WDR33: variants seen among roughly 807,000 people sequenced by gnomAD.
The protein encoded by WDR33 is pre-mRNA 3' end processing protein WDR33.
A neutral mutation model predicts 164.9 loss-of-function variants in WDR33; 47 were observed. That is an observed-to-expected ratio of 0.29 (90% CI 0.23 to 0.36). WDR33 has a LOEUF of 0.36. Among genes scored for constraint, WDR33 ranks in the 10% least tolerant of loss-of-function variants. The probability of loss-of-function intolerance (pLI) is 1.00; values close to 1 mark genes in which losing one functional copy is unlikely to be tolerated. For missense variants in WDR33, 1,137 were observed against 1,754.1 expected (o/e 0.65, Z 6.28); for synonymous variants, 505 against 589.0 (o/e 0.86, Z 2.06).
intron 7 of WDR33, chr2:127,737,339 G>C: frequency 1.0e-6 from 1 of 985,440 alleles, no homozygotes; most frequent in Non-Finnish European, 1.2e-6. Context: ...GTAAGAAAGA[G>C]TACTCTGAGG....
Position 127,769,005 on chromosome 2 carries a change from T to TTAAA in WDR33, c.205-8_205-5dup, listed in dbSNP as rs143186338. 341,635 of 903,034 alleles carry TTAAA rather than the reference T, an allele frequency of 0.38. 71,538 individuals are homozygous for TTAAA. Among genetic ancestry groups the TTAAA allele is most frequent in the East Asian group, 0.68 (17,871 of 26,274 alleles). 55.9% of individuals were successfully genotyped at this position (903,034 alleles called of 1,614,324 possible). On this transcript the variant is annotated splice_region_variant and splice_polypyrimidine_tract_variant and intron_variant, in intron 2 of 21. Transcript: ENST00000322313. ...GGTCTCTTTGCCATATTCTGTTCTG[T>TTAAA]TAAATAAATAAATAAATAAATAAAT...
Position 127,764,987 on chromosome 2 carries a change from A to T in WDR33, c.475-8T>A, listed in dbSNP as rs1006433310. Reference sequence around the variant, plus strand: ...CACTGGGCTGTCGTGAGCCTGTGAAAGCAGAAAACATTAATTAGTAAGGTG... The same window carrying T: ...CACTGGGCTGTCGTGAGCCTGTGAATGCAGAAAACATTAATTAGTAAGGTG... On this transcript the variant is annotated splice_polypyrimidine_tract_variant and splice_region_variant and intron_variant, in intron 5 of 21. Transcript: ENST00000322313. The surrounding 1 kb of genome is among the most constrained non-coding windows in gnomAD (Gnocchi z 6.2). The T allele has an allele frequency of 6.8e-6, 11 of 1,612,684 alleles. No homozygotes were observed. The African/African-American group carries it at 1.1e-4, about 16-fold the overall frequency.
At chr2:127,795,102 CT>C (rs552910693) in intron 1 of WDR33, among the ~76,000 whole-genome samples, 18,148 of 131,014 alleles carry the variant, frequency 0.14, 1,204 homozygotes, top group South Asian at 0.26. Flanking sequence ...AATAACTTCT[CT>C]TTTTTTTTTT....
At position 127,702,013 on chromosome 2, in the gene WDR33, G is replaced by A. The variant is rs1685903821; in HGVS notation, c.*4310C>T. On this transcript the variant is annotated 3_prime_UTR_variant, in exon 22 of 22. Transcript: ENST00000322313. ...GGCGCCACGCTGTTCGCCGCGCTGG[G>A]CCTTCGCAGCACGCTGCTCACGGTG... 2 of 1,304,956 alleles carry A rather than the reference G, an allele frequency of 1.5e-6. No individual in the cohort carries two copies. The highest frequency in any genetic ancestry group is 1.6e-5 in the African/African-American group (1 of 63,858). The allele number at this position is 1,304,956 out of a possible 1,614,324, so 80.8% of individuals were successfully genotyped here.
intron 7 of WDR33, among the ~76,000 whole-genome samples, chr2:127,756,376 A>G (rs1238846717): frequency 6.7e-6 from 1 of 150,200 alleles, no homozygotes; most frequent in Non-Finnish European, 1.5e-5. Flanking sequence ...AAAAATTACT[A>G]TGAAAAAAAA....
chr2:127,732,433 T>C lies in WDR33; in HGVS notation c.725-5656A>G, dbSNP rs546557786. On this transcript the variant is annotated intron_variant, in intron 7 of 21. Transcript: ENST00000322313. The stretch of plus-strand genomic sequence containing the variant: ...GACTCCTGGGCTCAAATAATCCTCC[T>C]ACCTCAGCCTCCCCGGTAGCTGGGA... Among the ~76,000 whole-genome samples, 278 of 152,226 alleles carry C rather than the reference T, an allele frequency of 1.8e-3. 3 individuals carry two copies. The highest frequency in any genetic ancestry group is 6.5e-3 in the African/African-American group (268 of 41,538).
chr2:127,702,003 G>A lies in WDR33; in HGVS notation c.*4320C>T, dbSNP rs780262944. ...GGCAGCGCTGGGCGCCACGCTGTTCGCCGCGCTGGGCCTTCGCAGCACGCT... is the reference window on the plus strand; with the variant it reads ...GGCAGCGCTGGGCGCCACGCTGTTCACCGCGCTGGGCCTTCGCAGCACGCT... On this transcript the variant is annotated 3_prime_UTR_variant, in exon 22 of 22. Coordinates refer to ENST00000322313, the MANE Select transcript of WDR33 (RefSeq NM_018383.5). 1 of 1,310,904 alleles carries A rather than the reference G, an allele frequency of 7.6e-7. No individual in the cohort carries two copies. Among genetic ancestry groups the A allele is most frequent in the South Asian group, 2.0e-5 (1 of 50,996 alleles). The allele number at this position is 1,310,904 out of a possible 1,614,324, so 81.2% of individuals were successfully genotyped here.
In WDR33 at chr2:127,765,503, G is replaced by A. The variant is rs574639407; in HGVS notation, c.379-234C>T. Among the ~76,000 whole-genome samples, 6 of 152,246 alleles carry A rather than the reference G, an allele frequency of 3.9e-5. No homozygotes were observed. In the South Asian group the frequency reaches 1.2e-3, roughly 32 times the overall value. ...AAATTAAAGACAGTAAGTACATTATGAGTATACGCACCTACTCACTAAATT... is the reference window on the plus strand; with the variant it reads ...AAATTAAAGACAGTAAGTACATTATAAGTATACGCACCTACTCACTAAATT... On this transcript the variant is annotated intron_variant, in intron 4 of 21. Coordinates refer to ENST00000322313, the MANE Select transcript of WDR33 (RefSeq NM_018383.5).
chr2:127,797,692 G>T lies in WDR33; in HGVS notation c.-24+13320C>A, dbSNP rs115627864. On this transcript the variant is annotated intron_variant, in intron 1 of 21. Transcript: ENST00000322313. ...GGTCTAGATTTGATGATCTCTAGAG[G>T]CAAAATAATTTCATAATTTCAAGAT... 5.1e-3 allele frequency among the ~76,000 whole-genome samples: 771 copies of T among 151,978 alleles called. 13 individuals are homozygous for T. Among genetic ancestry groups the T allele is most frequent in the African/African-American group, 0.017 (719 of 41,450 alleles).
chr2:127,780,810 C>G lies in WDR33; in HGVS notation c.-23-9806G>C, dbSNP rs190925672. 5.7e-3 allele frequency among the ~76,000 whole-genome samples: 863 copies of G among 152,282 alleles called. 15 individuals carry two copies. The highest frequency in any genetic ancestry group is 0.019 in the African/African-American group (808 of 41,566). On this transcript the variant is annotated intron_variant, in intron 1 of 21. Transcript: ENST00000322313. ...CATGATCACACCACTGCACTCCAGCCTGGGCAGCAGAATGAGACCCTATCT... is the reference window on the plus strand; with the variant it reads ...CATGATCACACCACTGCACTCCAGCGTGGGCAGCAGAATGAGACCCTATCT...
intron 7 of WDR33, among the ~76,000 whole-genome samples, chr2:127,734,058 A>G (rs1448293167): frequency 6.6e-6 from 1 of 152,178 alleles, no homozygotes; most frequent in Non-Finnish European, 1.5e-5. Context: ...CACTTTCTCA[A>G]CTGTAACTGA....
chr2:127,762,468 C>T (rs1687705148), intron 7 of WDR33: 8 of 961,290 alleles, frequency 8.3e-6, no homozygotes, highest in South Asian at 4.8e-5. Context: ...CTAAAATAAT[C>T]GAAGTGAGAA....
At chr2:127,801,114 A>AAG (rs1558964610) in intron 1 of WDR33, among the ~76,000 whole-genome samples, 4 of 151,468 alleles carry the variant, frequency 2.6e-5, no homozygotes, top group Admixed American at 2.6e-4. Flanking sequence ...GAAAAAAAAA[A>AAG]AAAAGAAAAG....
chr2:127,710,001 GATAC>G lies in WDR33; in HGVS notation c.3309-149_3309-146del. 9.0e-7 allele frequency: 1 copy of G among 1,115,494 alleles called. No homozygotes were observed. Among genetic ancestry groups the G allele is most frequent in the Non-Finnish European group, 1.2e-6 (1 of 800,080 alleles). 69.1% of individuals were successfully genotyped at this position (1,115,494 alleles called of 1,614,324 possible). On this transcript the variant is annotated intron_variant, in intron 18 of 21. Coordinates refer to ENST00000322313, the MANE Select transcript of WDR33 (RefSeq NM_018383.5). This position sits in a 1 kb window ranked among gnomAD's most constrained non-coding sequence, Gnocchi z 4.4. ...AAATAAAACTATATATTTTTGAAAG[GATAC>G]ATTATATAATCCTATTAATACTATC...
At chr2:127,731,564 T>C (rs1344971721) in intron 7 of WDR33, among the ~76,000 whole-genome samples, 1 of 152,168 alleles carries the variant, frequency 6.6e-6, no homozygotes, top group Non-Finnish European at 1.5e-5. Flanking sequence ...CTGCACCTTG[T>C]TTGAATTGCC....
intron 18 of WDR33, among the ~76,000 whole-genome samples, chr2:127,711,782 T>TATATATATATATATATATATATA (rs1558919467): frequency 3.2e-4 from 27 of 84,406 alleles, no homozygotes; most frequent in African/African-American, 1.3e-3. Flanking sequence ...ATATATATAT[T>TATATATATATATATATATATATA]TTTTTTTTGA....
chr2:127,705,951 C>A lies in WDR33; in HGVS notation c.*372G>T. On this transcript the variant is annotated 3_prime_UTR_variant, in exon 22 of 22. Coordinates refer to ENST00000322313, the MANE Select transcript of WDR33 (RefSeq NM_018383.5). The surrounding 1 kb of genome is among the most constrained non-coding windows in gnomAD (Gnocchi z 4.5). ...TCTTGCGTAAATCACATTCTGTATT[C>A]ATACAAAAACTTTGTTTTTCTCTGA... 4.8e-6 allele frequency: 1 copy of A among 207,874 alleles called. No homozygotes were observed. 12.9% of individuals were successfully genotyped at this position (207,874 alleles called of 1,614,324 possible).
At chr2:127,794,454 T>C (rs1008722065) in intron 1 of WDR33, among the ~76,000 whole-genome samples, 10 of 151,256 alleles carry the variant, frequency 6.6e-5, no homozygotes, top group Admixed American at 1.3e-4. Context: ...TGAGTCAAGA[T>C]TGCACCATCG....
intron 1 of WDR33, among the ~76,000 whole-genome samples, chr2:127,773,647 G>A (rs374569535): frequency 6.6e-6 from 1 of 151,988 alleles, no homozygotes; most frequent in Non-Finnish European, 1.5e-5. Context: ...AATAAGGCTG[G>A]TGGAAGACTG....
Sources: gnomAD v4.1 joint callset for allele counts (sites outside exome capture counted in the v4.1 genomes callset) on GRCh38, gnomAD v4.1.1 for gene constraint, Gnocchi (gnomAD v3.1) non-coding constraint, MANE v1.5 for transcripts, NCBI Gene and HGNC (gene_info 2026-07-23, HGNC 2026-07-21) for gene names.